The following SEMA3C variants were observed in gnomAD, a reference collection of about 807,000 sequenced individuals.
SEMA3C encodes semaphorin-3C.
Under a neutral mutation model 89.4 loss-of-function variants are expected in SEMA3C, and 47 were observed. The ratio of observed to expected loss-of-function variants is 0.53; its 90% CI spans 0.42 to 0.67. The LOEUF (loss-of-function observed/expected upper bound fraction) is 0.67, where lower values mean the gene tolerates loss of function less well. Among genes scored for constraint, SEMA3C ranks in the 30% least tolerant of loss-of-function variants. The probability of loss-of-function intolerance (pLI) is 0.00; values close to 1 mark genes in which losing one functional copy is unlikely to be tolerated. For missense variants in SEMA3C, 839 were observed against 929.1 expected (o/e 0.90, Z 1.26); for synonymous variants, 310 against 320.2 (o/e 0.97, Z 0.34).
chr7:80,817,759 T>A, intron 5 of SEMA3C, among the ~76,000 whole-genome samples: 1 of 152,158 alleles, frequency 6.6e-6, no homozygotes. Context: ...GATTTGTTAA[T>A]TACATCAAGT....
At chr7:80,876,304 C>T (rs543144322) in intron 2 of SEMA3C, among the ~76,000 whole-genome samples, 9 of 152,254 alleles carry the variant, frequency 5.9e-5, no homozygotes, top group Non-Finnish European at 8.8e-5. Flanking sequence ...TATTTGCATA[C>T]TTAAGCATTT....
chr7:80,868,570 C>T (rs1790983997), intron 2 of SEMA3C, among the ~76,000 whole-genome samples: 1 of 152,044 alleles, frequency 6.6e-6, no homozygotes, highest in African/African-American at 2.4e-5. Flanking sequence ...CACCCGGCCC[C>T]TCCCTTATAT....
intron 2 of SEMA3C, among the ~76,000 whole-genome samples, chr7:80,850,072 T>C (rs1409371884): frequency 1.1e-4 from 16 of 152,176 alleles, no homozygotes; most frequent in Admixed American, 1.0e-3. Context: ...ACGAAAACTA[T>C]GATACACTAC....
chr7:80,905,174 C>CTT lies in SEMA3C; in HGVS notation c.103+11504_103+11505insAA, dbSNP rs1562979079. Among the ~76,000 whole-genome samples the CTT allele has an allele frequency of 6.1e-3, 847 of 139,764 alleles. 16 individuals are homozygous for CTT. Among genetic ancestry groups the CTT allele is most frequent in the African/African-American group, 0.022 (788 of 35,986 alleles). The allele number at this position is 139,764 out of a possible 152,430, so 91.7% of individuals were successfully genotyped here. A position where few individuals can be genotyped will look rare whatever the true frequency, so the allele number is the denominator to read the frequency against. On this transcript the variant is annotated intron_variant, in intron 2 of 17. Coordinates refer to ENST00000265361, the MANE Select transcript of SEMA3C (RefSeq NM_006379.5). ...CTTTGCTGCAACCCTCAATTATGGC[C>CTT]ATTTTTTTTTTTTTTTGAGGAGGTG...
intron 2 of SEMA3C, among the ~76,000 whole-genome samples, chr7:80,852,413 C>T (rs1468006454): frequency 1.3e-5 from 2 of 152,110 alleles, no homozygotes; most frequent in Non-Finnish European, 2.9e-5. Flanking sequence ...ATTAGGGAAA[C>T]TCTCAGGACA....
intron 2 of SEMA3C, among the ~76,000 whole-genome samples, chr7:80,894,386 C>T (rs545024517): frequency 3.3e-5 from 5 of 151,906 alleles, no homozygotes; most frequent in Non-Finnish European, 7.4e-5. Context: ...ATTGTCATGT[C>T]AATACAATGT....
At chr7:80,750,491 C>CACACACACAA (rs1787908656) in intron 16 of SEMA3C, among the ~76,000 whole-genome samples, 1 of 144,500 alleles carries the variant, frequency 6.9e-6, no homozygotes, top group South Asian at 2.2e-4. Flanking sequence ...CACACACACA[C>CACACACACAA]ACACACACAC....
chr7:80,843,796 A>C (rs543678314), intron 2 of SEMA3C, among the ~76,000 whole-genome samples: 9 of 152,322 alleles, frequency 5.9e-5, no homozygotes, highest in South Asian at 4.1e-4. Flanking sequence ...AACCATTATG[A>C]TATCTCAAGA....
intron 3 of SEMA3C, 110 bp from the exon 4 acceptor site, chr7:80,827,597 A>C: frequency 1.5e-5 from 10 of 660,274 alleles, no homozygotes; most frequent in Non-Finnish European, 2.3e-5. Context: ...TCTTACACTA[A>C]GACTTTAAAA....
At chr7:80,877,172 A>G (rs1203886950) in intron 2 of SEMA3C, among the ~76,000 whole-genome samples, 2 of 152,234 alleles carry the variant, frequency 1.3e-5, no homozygotes, top group Non-Finnish European at 2.9e-5. Flanking sequence ...GGAAAAGATC[A>G]TAGCAAGACT....
chr7:80,919,311 G>A, upstream of SEMA3C: 1 of 985,294 alleles, frequency 1.0e-6, no homozygotes, highest in Non-Finnish European at 1.2e-6. Flanking sequence ...GCGGCCGCAG[G>A]CTGGAGCCCT....
At chr7:80,822,475 C>CTAG (rs1178184698) in intron 4 of SEMA3C, among the ~76,000 whole-genome samples, 1 of 151,450 alleles carries the variant, frequency 6.6e-6, no homozygotes, top group Admixed American at 6.6e-5. Context: ...TACTTGGGGA[C>CTAG]TAGTGCCTAG....
intron 2 of SEMA3C, among the ~76,000 whole-genome samples, chr7:80,844,461 A>C (rs940656530): frequency 2.0e-4 from 30 of 152,256 alleles, no homozygotes; most frequent in African/African-American, 7.0e-4. Flanking sequence ...TACTTGTTTT[A>C]TCATCTAGCA....
At chr7:80,866,827 A>G (rs976439301) in intron 2 of SEMA3C, among the ~76,000 whole-genome samples, 1 of 152,222 alleles carries the variant, frequency 6.6e-6, no homozygotes, top group African/African-American at 2.4e-5. Flanking sequence ...TGATGAAAAA[A>G]TTAAGAATAT....
intron 6 of SEMA3C, among the ~76,000 whole-genome samples, chr7:80,809,350 C>T (rs1171421782): frequency 2.0e-5 from 3 of 152,116 alleles, no homozygotes; most frequent in African/African-American, 4.8e-5. Context: ...TGAAAAAACA[C>T]CCCTTTAACC....
intron 2 of SEMA3C, among the ~76,000 whole-genome samples, chr7:80,848,168 A>G (rs1300579713): frequency 1.3e-5 from 2 of 152,218 alleles, no homozygotes; most frequent in Non-Finnish European, 2.9e-5. Context: ...CTGTAATTAG[A>G]TATTCAGAAT....
At chr7:80,776,412 CCTTT>C (rs1470147268) in intron 12 of SEMA3C, among the ~76,000 whole-genome samples, 1 of 152,122 alleles carries the variant, frequency 6.6e-6, no homozygotes, top group Non-Finnish European at 1.5e-5. Context: ...CAACTATAAT[CCTTT>C]CTGTTTCTTT....
intron 2 of SEMA3C, among the ~76,000 whole-genome samples, chr7:80,863,963 TCA>T (rs1790862533): frequency 7.1e-6 from 1 of 141,384 alleles, no homozygotes; most frequent in Non-Finnish European, 1.5e-5. Flanking sequence ...CACATGTATA[TCA>T]CATATATATC....
At chr7:80,881,954 T>G (rs1791352561) in intron 2 of SEMA3C, among the ~76,000 whole-genome samples, 1 of 152,184 alleles carries the variant, frequency 6.6e-6, no homozygotes, top group African/African-American at 2.4e-5. Context: ...GCAACGTTGT[T>G]GATTTAATAA....
Sources: allele counts gnomAD v4.1 joint callset (sites outside exome capture counted in the v4.1 genomes callset), GRCh38; gene constraint gnomAD v4.1.1; transcripts MANE v1.5; gene names NCBI Gene and HGNC (gene_info 2026-07-23, HGNC 2026-07-21).